Variants in STK3 observed in about 807,000 individuals in gnomAD.
STK3 encodes the protein serine/threonine kinase 3, also known as serine/threonine-protein kinase 3.
Under a neutral mutation model 58.0 loss-of-function variants are expected in STK3, and 41 were observed. The ratio of observed to expected loss-of-function variants is 0.71; its 90% CI spans 0.55 to 0.92. The LOEUF is 0.92. STK3 is among the 40% of genes least tolerant of loss of function. The pLI is 0.00. For synonymous variants in STK3, 170 were observed against 191.0 expected (o/e 0.89, Z 0.91); for missense variants, 479 against 602.7 (o/e 0.79, Z 2.15).
At chr8:98,672,729 A>G (rs939935780) in intron 6 of STK3, among the ~76,000 whole-genome samples, 2 of 152,212 alleles carry the variant, frequency 1.3e-5, no homozygotes, top group Admixed American at 6.5e-5. Context: ...GTAAAGGGTT[A>G]AGATGATTTA....
intron 7 of STK3, among the ~76,000 whole-genome samples, chr8:98,588,495 A>C (rs201987800): frequency 6.6e-6 from 1 of 151,418 alleles, no homozygotes; most frequent in Admixed American, 6.6e-5. Context: ...CTTCCCTTTG[A>C]GGGTAACCCG....
At chr8:98,365,006 T>G in the STK3 span, among the ~76,000 whole-genome samples, 1 of 152,286 alleles carries the variant, frequency 6.6e-6, no homozygotes, top group East Asian at 1.9e-4. Flanking sequence ...CCTTTAGCGT[T>G]GGGGTAGTAA....
intron 4 of STK3, among the ~76,000 whole-genome samples, chr8:98,737,690 T>C (rs1347603486): frequency 6.6e-6 from 1 of 152,156 alleles, no homozygotes; most frequent in Non-Finnish European, 1.5e-5. Flanking sequence ...GCAAATCAAA[T>C]TTAAAACGTA....
At chr8:98,636,933 A>G (rs960846200) in intron 6 of STK3, among the ~76,000 whole-genome samples, 8 of 152,174 alleles carry the variant, frequency 5.3e-5, no homozygotes, top group Admixed American at 3.9e-4. Flanking sequence ...GTCATGATAA[A>G]GGTAAAATAA....
chr8:98,938,645 T>G (rs1282545490), intron 1 of STK3, among the ~76,000 whole-genome samples: 1 of 152,082 alleles, frequency 6.6e-6, no homozygotes, highest in African/African-American at 2.4e-5. Flanking sequence ...CTGCCCAGCC[T>G]CAGGGTAATC....
downstream of STK3, among the ~76,000 whole-genome samples, chr8:98,399,262 C>T (rs1817922361): frequency 6.6e-6 from 1 of 152,218 alleles, no homozygotes; most frequent in African/African-American, 2.4e-5. Flanking sequence ...TGAAATCTCA[C>T]ATTAGGAACA....
At chr8:98,500,590 C>G (rs1434323014) in intron 10 of STK3, among the ~76,000 whole-genome samples, 3 of 151,896 alleles carry the variant, frequency 2.0e-5, no homozygotes, top group African/African-American at 4.8e-5. Context: ...TCAATTCCAA[C>G]CTATGGTGGT....
chr8:98,625,781 T>A (rs892985911), intron 6 of STK3, among the ~76,000 whole-genome samples: 3 of 152,174 alleles, frequency 2.0e-5, no homozygotes, highest in Non-Finnish European at 4.4e-5. Flanking sequence ...GAAAAAGAAG[T>A]GTTTGTCGTA....
intron 2 of STK3, among the ~76,000 whole-genome samples, chr8:98,435,001 C>CT (rs1371193039): frequency 6.6e-5 from 10 of 152,242 alleles, no homozygotes; most frequent in Admixed American, 2.6e-4. Flanking sequence ...GCAACGATCA[C>CT]TGGGGCTGCT....
chr8:98,711,589 G>C (rs1342946686), intron 4 of STK3, among the ~76,000 whole-genome samples: 1 of 152,110 alleles, frequency 6.6e-6, no homozygotes, highest in Non-Finnish European at 1.5e-5. Flanking sequence ...AGAGAAAAAA[G>C]AATAAAAAGA....
intron 3 of STK3, among the ~76,000 whole-genome samples, chr8:98,409,030 C>G (rs967012773): frequency 6.6e-6 from 1 of 152,166 alleles, no homozygotes; most frequent in Admixed American, 6.5e-5. Context: ...AACACCCTGA[C>G]CTCGCACTCC....
chr8:98,788,625 C>A (rs1019468774), intron 1 of STK3, among the ~76,000 whole-genome samples: 54 of 152,106 alleles, frequency 3.6e-4, no homozygotes, highest in African/African-American at 1.2e-3. Flanking sequence ...GTAGGAATAG[C>A]TATTCTTATA....
intron 6 of STK3, among the ~76,000 whole-genome samples, chr8:98,702,371 T>G (rs1019214416): frequency 4.6e-5 from 7 of 152,230 alleles, no homozygotes; most frequent in Admixed American, 2.0e-4. Flanking sequence ...TTAACCACTT[T>G]CATTTTCTAA....
At chr8:98,843,068 T>G (rs1209869169) in intron 3 of STK3, among the ~76,000 whole-genome samples, 1 of 149,964 alleles carries the variant, frequency 6.7e-6, no homozygotes, top group African/African-American at 2.4e-5. Flanking sequence ...TAAATTAATA[T>G]ATATAATATA....
At chr8:98,745,723 C>G (rs1403220741) in intron 4 of STK3, among the ~76,000 whole-genome samples, 1 of 152,060 alleles carries the variant, frequency 6.6e-6, no homozygotes, top group Non-Finnish European at 1.5e-5. Flanking sequence ...GAAATCAAAA[C>G]CTACCGAGAA....
At chr8:98,773,598 A>C (rs1031595086) in intron 2 of STK3, among the ~76,000 whole-genome samples, 3 of 152,120 alleles carry the variant, frequency 2.0e-5, no homozygotes, top group Admixed American at 6.5e-5. Context: ...ATCTCTATTA[A>C]TAATAAATAA....
At chr8:98,577,035 TTTC>T (rs1188700823) in intron 8 of STK3, among the ~76,000 whole-genome samples, 4 of 152,208 alleles carry the variant, frequency 2.6e-5, no homozygotes, top group African/African-American at 9.7e-5. Context: ...GTCATAATGC[TTTC>T]TTATCAAAAT....
rs1811927666 is a variant in STK3, at chr8:98,560,508, G to A, written c.949-12347C>T. ...ACATATTAAAACATGTACAGGATCTGTATACACTGATGCAAAAAATAAAAG... is the reference window on the plus strand; with the variant it reads ...ACATATTAAAACATGTACAGGATCTATATACACTGATGCAAAAAATAAAAG... On this transcript the variant is annotated intron_variant, in intron 8 of 10. Coordinates refer to ENST00000419617, the MANE Select transcript of STK3 (RefSeq NM_006281.4). Among the ~76,000 whole-genome samples, 4 of 152,132 alleles carry A rather than the reference G, an allele frequency of 2.6e-5. No individual in the cohort carries two copies. The South Asian group carries it at 8.3e-4, about 32-fold the overall frequency.
intron 1 of STK3, among the ~76,000 whole-genome samples, chr8:98,820,846 C>CA (rs745773223): frequency 3.1e-4 from 47 of 152,204 alleles, no homozygotes; most frequent in Admixed American, 7.2e-4. Context: ...GGTGTGGTGG[C>CA]AGGCGCCTGC....
Sources: gnomAD v4.1 joint callset for allele counts (sites outside exome capture counted in the v4.1 genomes callset) on GRCh38, gnomAD v4.1.1 for gene constraint, MANE v1.5 for transcripts, NCBI Gene and HGNC (gene_info 2026-07-23, HGNC 2026-07-21) for gene names.